Variants in ARMC3 observed in about 807,000 individuals in gnomAD.
ARMC3 encodes the protein armadillo repeat containing 3.
A neutral mutation model predicts 90.3 loss-of-function variants in ARMC3; 74 were observed. The observed-to-expected ratio is 0.82, with a 90% CI of 0.68 to 0.99. ARMC3 has a LOEUF of 0.99. Ranked by LOEUF, ARMC3 falls within the 50% of genes least tolerant of loss-of-function variation. ARMC3 has a pLI of 0.00. For missense variants in ARMC3, 958 were observed against 1,042.8 expected (o/e 0.92, Z 1.12); for synonymous variants, 334 against 361.8 (o/e 0.92, Z 0.87).
At chr10:23,029,972 GCTCT>G (rs1397376147) in intron 16 of ARMC3, among the ~76,000 whole-genome samples, 1 of 152,110 alleles carries the variant, frequency 6.6e-6, no homozygotes, top group African/African-American at 2.4e-5. Context: ...GCTGGCTTAG[GCTCT>G]CTGAGAAGGC....
At chr10:22,967,434 A>G (rs1439995266) in intron 7 of ARMC3, among the ~76,000 whole-genome samples, 1 of 152,210 alleles carries the variant, frequency 6.6e-6, no homozygotes, top group Non-Finnish European at 1.5e-5. Context: ...CTAACGTGAT[A>G]CAACTATCCT....
intron 7 of ARMC3, among the ~76,000 whole-genome samples, chr10:22,965,243 T>C (rs1381430190): frequency 1.3e-5 from 2 of 152,254 alleles, no homozygotes; most frequent in Non-Finnish European, 2.9e-5. Context: ...ACAGTGTAAA[T>C]ATAATGGCAT....
chr10:22,980,253 A>G (rs1148302), intron 8 of ARMC3, among the ~76,000 whole-genome samples: 7,169 of 152,256 alleles, frequency 0.047, 700 homozygotes, highest in East Asian at 0.35. Flanking sequence ...TTGAGTGCAT[A>G]TCACACATTC....
rs2131563669 is a variant in ARMC3 at position 23,030,325 on chromosome 10, G to A, written c.2046-271G>A. On this transcript the variant is annotated intron_variant, in intron 16 of 18. Transcript: ENST00000298032. ...TCTGTGGAACCCACATATATGAAAA[G>A]TCAGCTCTCTGTTTCTGTGGGTTTT... 3.3e-5 allele frequency among the ~76,000 whole-genome samples: 5 copies of A among 152,230 alleles called. No individual in the cohort carries two copies. The South Asian group carries it at 1.0e-3, about 32-fold the overall frequency.
intron 14 of ARMC3, 96 bp downstream of exon 14, chr10:23,007,077 C>A (rs1837653883): frequency 5.0e-6 from 5 of 999,490 alleles, no homozygotes; most frequent in Non-Finnish European, 7.4e-6. Flanking sequence ...ATTCCCAGAC[C>A]CTTTTCTCCT....
intron 16 of ARMC3, among the ~76,000 whole-genome samples, chr10:23,024,637 T>C (rs1463584875): frequency 6.6e-6 from 1 of 152,144 alleles, no homozygotes; most frequent in African/African-American, 2.4e-5. Context: ...TAAGCCATAT[T>C]TGTACATTGT....
At chr10:22,960,167 A>C (rs1001785971) in intron 6 of ARMC3, 8 of 159,638 alleles carry the variant, frequency 5.0e-5, no homozygotes, top group Non-Finnish European at 6.5e-5. Flanking sequence ...ACACACACAC[A>C]CCCTCACGCC....
chr10:22,988,624 T>C (rs1035724639), intron 10 of ARMC3, among the ~76,000 whole-genome samples: 3 of 152,222 alleles, frequency 2.0e-5, no homozygotes, highest in African/African-American at 7.2e-5. Context: ...TGAATGATGA[T>C]GGTCATTTTG....
intron 2 of ARMC3, among the ~76,000 whole-genome samples, chr10:22,937,370 C>G (rs954282059): frequency 6.6e-6 from 1 of 152,150 alleles, no homozygotes; most frequent in African/African-American, 2.4e-5. Context: ...ACCATAGTAT[C>G]CTTATTCACA....
intron 7 of ARMC3, among the ~76,000 whole-genome samples, chr10:22,963,345 C>T (rs956740907): frequency 6.6e-6 from 1 of 151,958 alleles, no homozygotes; most frequent in Non-Finnish European, 1.5e-5. Flanking sequence ...GAATAACTTG[C>T]CTACGGTTAG....
At chr10:23,037,226 C>T (rs1033854960) in intron 18 of ARMC3, 44 bp from the exon 19 acceptor site, 1 of 1,488,410 alleles carries the variant, frequency 6.7e-7, no homozygotes, top group Non-Finnish European at 9.0e-7. Context: ...TTCCCCACCC[C>T]TCTCCCGCAC....
Position 22,962,991 on chromosome 10 carries a change from C to T in ARMC3, c.732+913C>T, listed in dbSNP as rs183150804. Among the ~76,000 whole-genome samples the T allele has an allele frequency of 2.3e-4, 35 of 152,190 alleles. No homozygotes were observed. The East Asian group carries it at 6.4e-3, about 28-fold the overall frequency. On this transcript the variant is annotated intron_variant, in intron 7 of 18. Coordinates refer to ENST00000298032, the MANE Select transcript of ARMC3 (RefSeq NM_173081.5). ...AACACTATATAGTACACATTTTATC[C>T]TGTTTTTTAAAAGGGGAACTGAAAC...
intron 8 of ARMC3, among the ~76,000 whole-genome samples, chr10:22,980,419 C>T (rs1049800051): frequency 4.6e-5 from 7 of 152,166 alleles, no homozygotes; most frequent in African/African-American, 1.7e-4. Flanking sequence ...GTCCCTGGTA[C>T]ATCTTTATTT....
At chr10:22,933,542 T>C (rs916909354) in intron 2 of ARMC3, among the ~76,000 whole-genome samples, 3 of 152,102 alleles carry the variant, frequency 2.0e-5, no homozygotes, top group Non-Finnish European at 4.4e-5. Flanking sequence ...CCCAACAGCC[T>C]TGGAGGTAGC....
intron 10 of ARMC3, among the ~76,000 whole-genome samples, chr10:22,984,202 A>G (rs1836310998): frequency 6.6e-6 from 1 of 152,208 alleles, no homozygotes; most frequent in African/African-American, 2.4e-5. Flanking sequence ...TCCTACACGC[A>G]TATCTTAATG....
intron 3 of ARMC3, among the ~76,000 whole-genome samples, chr10:22,947,547 G>A (rs1321063715): frequency 3.3e-5 from 5 of 152,242 alleles, no homozygotes; most frequent in East Asian, 1.9e-4. Flanking sequence ...TCTACAACAA[G>A]CAAGTTTGAG....
chr10:22,948,393 T>C (rs1834619865), intron 3 of ARMC3, among the ~76,000 whole-genome samples: 1 of 152,146 alleles, frequency 6.6e-6, no homozygotes, highest in Non-Finnish European at 1.5e-5. Context: ...GTATTTCATA[T>C]GAAATCAATA....
intron 17 of ARMC3, chr10:23,031,063 A>G (rs955449598): frequency 5.6e-6 from 2 of 357,680 alleles, no homozygotes; most frequent in East Asian, 4.9e-5. Flanking sequence ...GCATCTTTCA[A>G]TGTGATCCTG....
At chr10:22,938,000 T>C (rs1023713183) in intron 2 of ARMC3, among the ~76,000 whole-genome samples, 1 of 152,208 alleles carries the variant, frequency 6.6e-6, no homozygotes. Flanking sequence ...AGGCAGCTTA[T>C]ATTATAGTGG....
Sources: gnomAD v4.1 joint callset for allele counts (sites outside exome capture counted in the v4.1 genomes callset) on GRCh38, gnomAD v4.1.1 for gene constraint, MANE v1.5 for transcripts, NCBI Gene and HGNC (gene_info 2026-07-23, HGNC 2026-07-21) for gene names.